NAA40: variants seen among roughly 807,000 people sequenced by gnomAD.
NAA40 encodes N-alpha-acetyltransferase 40.
NAA40 carries 26 observed loss-of-function variants against 36.6 expected under a neutral mutation model. The observed-to-expected ratio is 0.71, with a 90% CI of 0.52 to 0.98. The LOEUF is 0.98. Among genes scored for constraint, NAA40 ranks in the 50% least tolerant of loss-of-function variants. The pLI, the probability that NAA40 is intolerant of heterozygous loss-of-function variation, is 0.00. For synonymous variants in NAA40, 129 were observed against 108.4 expected, an observed-to-expected ratio of 1.19 and a Z score of -1.18; for missense variants, 237 against 306.5, an observed-to-expected ratio of 0.77 and a Z score of 1.69.
In NAA40 at chr11:63,945,946, C is replaced by G. The variant is rs199987599; in HGVS notation, c.102+11C>G. 1.2e-6 allele frequency: 2 copies of G among 1,612,488 alleles called. No homozygotes were observed. Among genetic ancestry groups the G allele is most frequent in the South Asian group, 2.2e-5 (2 of 91,028 alleles). On this transcript the variant is annotated intron_variant, in intron 2 of 7. Transcript: ENST00000377793. Reference sequence around the variant, plus strand: ...GACGCTGCCAACAGGGTGATTCTCCCTTTCTTCCCAGTCCCTGCCTCCTGG... The same window carrying G: ...GACGCTGCCAACAGGGTGATTCTCCGTTTCTTCCCAGTCCCTGCCTCCTGG...
Position 63,955,297 on chromosome 11 carries a change from G to A in NAA40, c.*818G>A, listed in dbSNP as rs1040794169. 6.5e-6 allele frequency: 1 copy of A among 152,752 alleles called. No homozygotes were observed. The highest frequency in any genetic ancestry group is 1.9e-4 in the East Asian group (1 of 5,188). 9.5% of individuals were successfully genotyped at this position (152,752 alleles called of 1,614,324 possible). A position where few individuals can be genotyped will look rare whatever the true frequency, so the allele number is the denominator to read the frequency against. On this transcript the variant is annotated 3_prime_UTR_variant, in exon 8 of 8. Coordinates refer to ENST00000377793, the MANE Select transcript of NAA40 (RefSeq NM_024771.4). The stretch of plus-strand genomic sequence containing the variant: ...TAGAAGAAAGCCAGAGGTTCTGCTT[G>A]TTCTTGTCTGCCAGCCCTCGTCGTT...
chr11:63,951,172 G>A (rs868147281), intron 3 of NAA40, among the ~76,000 whole-genome samples: 1 of 152,196 alleles, frequency 6.6e-6, no homozygotes, highest in South Asian at 2.1e-4. Context: ...CTTAGAGTTT[G>A]CTGACTCTAG....
intron 3 of NAA40, 124 bp downstream of exon 3, chr11:63,947,127 C>A: frequency 9.5e-7 from 1 of 1,052,230 alleles, no homozygotes; most frequent in Non-Finnish European, 1.4e-6. Context: ...AAAAACAGGG[C>A]TGGGTGCGGT....
intron 3 of NAA40, among the ~76,000 whole-genome samples, chr11:63,951,864 C>T (rs528827906): frequency 6.6e-6 from 1 of 152,234 alleles, no homozygotes; most frequent in East Asian, 1.9e-4. Flanking sequence ...TGCCTAAGGG[C>T]AGGAACTAAA....
chr11:63,943,763 G>A (rs982953128), intron 1 of NAA40, among the ~76,000 whole-genome samples: 4 of 151,910 alleles, frequency 2.6e-5, no homozygotes, highest in African/African-American at 9.7e-5. Context: ...TTTGAGACTA[G>A]CCTGGGCAAC....
At chr11:63,946,501 A>T in intron 2 of NAA40, 1 of 1,133,756 alleles carries the variant, frequency 8.8e-7, no homozygotes, top group Non-Finnish European at 1.1e-6. Context: ...CACAGTGCCC[A>T]GCCCCTGCCT....
rs751551655 is a variant in NAA40, at chr11:63,952,852, T to C, written c.494+13T>C. The C allele has an allele frequency of 4.4e-6, 7 of 1,607,734 alleles. No individual in the cohort carries two copies. In the South Asian group the frequency reaches 7.7e-5, roughly 18 times the overall value. ...TCATGGCCAACAGGTAAGGCCTCCCTTCTTAGGAGGCCCATATAGCACTCA... is the reference window on the plus strand; with the variant it reads ...TCATGGCCAACAGGTAAGGCCTCCCCTCTTAGGAGGCCCATATAGCACTCA... On this transcript the variant is annotated intron_variant, in intron 6 of 7. Transcript: ENST00000377793.
At chr11:63,948,900 C>T (rs1235065696) in intron 3 of NAA40, among the ~76,000 whole-genome samples, 1 of 152,024 alleles carries the variant, frequency 6.6e-6, no homozygotes, top group African/African-American at 2.4e-5. Flanking sequence ...TGGGCCTGGG[C>T]CAGGTGTGGT....
intron 1 of NAA40, among the ~76,000 whole-genome samples, chr11:63,944,916 AAAG>A (rs1481543638): frequency 6.6e-6 from 1 of 151,258 alleles, no homozygotes; most frequent in African/African-American, 2.4e-5. Context: ...AAAAAAAAAA[AAAG>A]AAGAGAAAAA....
At chr11:63,954,125 C>T in intron 7 of NAA40, 76 bp downstream of exon 7, 1 of 1,497,474 alleles carries the variant, frequency 6.7e-7, no homozygotes, top group Non-Finnish European at 9.2e-7. Flanking sequence ...CTGGCCCTCA[C>T]TCATTCTGAT....
Position 63,952,349 on chromosome 11 carries a change from C to G in NAA40, c.251+16C>G. 1 of 1,613,494 alleles carries G rather than the reference C, an allele frequency of 6.2e-7. No individual in the cohort carries two copies. The highest frequency in any genetic ancestry group is 8.5e-7 in the Non-Finnish European group (1 of 1,179,476). ...TGCAAACCATGTAAGCTTGTCCCAA[C>G]CAGGGGAGCCTAGTTCCTCTCGCAG... On this transcript the variant is annotated intron_variant, in intron 4 of 7. Coordinates refer to ENST00000377793, the MANE Select transcript of NAA40 (RefSeq NM_024771.4).
At position 63,952,508 on chromosome 11, in the gene NAA40, C is replaced by T. The variant is rs1942296559; in HGVS notation, c.353C>T (p.Pro118Leu). 7 of 1,614,184 alleles carry T rather than the reference C, an allele frequency of 4.3e-6. No individual in the cohort carries two copies. The highest frequency in any genetic ancestry group is 5.9e-6 in the Non-Finnish European group (7 of 1,180,040). ...ATCGCGTGGGAAAACAGCTCCGTCC[C>T]TGTTGCCTTTTCTCACTTCCGGTTT... is the stretch of plus-strand genomic sequence containing the variant. ...YLIAWENSSV[P>L]VAFSHFRFDV... is the part of the protein sequence containing the mutation. Residue 118 changes from proline to leucine, a missense_variant, in exon 5 of 8, where the codon CCT (proline) becomes CTT (leucine). By Grantham distance (98) the Pro-to-Leu change is moderately conservative (BLOSUM62 -3). Coordinates refer to ENST00000377793, the MANE Select transcript of NAA40 (RefSeq NM_024771.4).
chr11:63,953,045 C>CTT (rs34261976), intron 6 of NAA40, among the ~76,000 whole-genome samples: 57,574 of 106,666 alleles, frequency 0.54, 16,976 homozygotes, highest in South Asian at 0.61. Context: ...CAGTGAACAT[C>CTT]TTTTTTTTTT....
chr11:63,943,590 T>C (rs1324917549), intron 1 of NAA40, among the ~76,000 whole-genome samples: 2 of 152,060 alleles, frequency 1.3e-5, no homozygotes, highest in Non-Finnish European at 2.9e-5. Flanking sequence ...CAGAACTGAG[T>C]GGTCACATTG....
chr11:63,946,846 T>C (rs1241855559), intron 2 of NAA40, 105 bp from the exon 3 acceptor site: 1 of 1,603,722 alleles, frequency 6.2e-7, no homozygotes, highest in South Asian at 1.1e-5. Context: ...TAGTCTCCCG[T>C]TGTGGGTCCC....
chr11:63,956,320 C>T lies in NAA40; in HGVS notation c.*1841C>T, dbSNP rs544924794. On this transcript the variant is annotated 3_prime_UTR_variant, in exon 8 of 8. Transcript: ENST00000377793. ...GTTTAGGAAGAGATTTGTCTCTGGT[C>T]CCTGTCTCTGAAAGGACACAGATGC... is the stretch of plus-strand genomic sequence containing the variant. 18 of 152,592 alleles carry T rather than the reference C, an allele frequency of 1.2e-4. No individual in the cohort carries two copies. Among genetic ancestry groups the T allele is most frequent in the South Asian group, 4.1e-4 (2 of 4,832 alleles). 9.5% of individuals were successfully genotyped at this position (152,592 alleles called of 1,614,324 possible).
intron 1 of NAA40, 200 bp downstream of exon 1, chr11:63,939,302 G>C: frequency 7.9e-7 from 1 of 1,269,634 alleles, no homozygotes; most frequent in Non-Finnish European, 1.0e-6. Context: ...AGAGCCCCTG[G>C]TCCGGGGCCC....
chr11:63,948,438 G>A (rs1942223495), intron 3 of NAA40, among the ~76,000 whole-genome samples: 1 of 152,140 alleles, frequency 6.6e-6, no homozygotes. Context: ...AAAAATATTT[G>A]CTGGGCGTGG....
At chr11:63,946,684 G>C in intron 2 of NAA40, 1 of 1,468,348 alleles carries the variant, frequency 6.8e-7, no homozygotes, top group African/African-American at 1.4e-5. Flanking sequence ...TGAGCAGGTT[G>C]TATGCCCACA....
Sources: gnomAD v4.1 joint callset for allele counts (sites outside exome capture counted in the v4.1 genomes callset) on GRCh38, gnomAD v4.1.1 for gene constraint, MANE v1.5 for transcripts, NCBI Gene and HGNC (gene_info 2026-07-23, HGNC 2026-07-21) for gene names.